XXYLT1: variants seen among roughly 807,000 people sequenced by gnomAD.
The protein encoded by XXYLT1 is UDP-xylose:alpha-xyloside alpha-1,3-xylosyltransferase.
A neutral mutation model predicts 28.9 loss-of-function variants in XXYLT1; 20 were observed. That is an observed-to-expected ratio of 0.69 (90% confidence interval 0.49 to 1.00). The LOEUF (loss-of-function observed/expected upper bound fraction) is 1.00, where lower values mean the gene tolerates loss of function less well. Among genes scored for constraint, XXYLT1 ranks in the 50% least tolerant of loss-of-function variants. The probability of loss-of-function intolerance (pLI) is 0.00; values close to 1 mark genes in which losing one functional copy is unlikely to be tolerated. For missense variants in XXYLT1, 542 were observed against 560.1 expected (o/e 0.97, Z 0.33); for synonymous variants, 257 against 253.8 (o/e 1.01, Z -0.12).
intron 3 of XXYLT1, among the ~76,000 whole-genome samples, chr3:195,143,882 ATATATATTTATTTTTTATT>A (rs1719684646): frequency 8.4e-6 from 1 of 118,912 alleles, no homozygotes; most frequent in African/African-American, 3.6e-5. Context: ...ATATATATAT[ATATATATTTATTTTTTATT>A]TTTATTTTTT....
At chr3:195,149,075 T>C (rs1297287886) in intron 3 of XXYLT1, among the ~76,000 whole-genome samples, 1 of 152,092 alleles carries the variant, frequency 6.6e-6, no homozygotes, top group Non-Finnish European at 1.5e-5. Context: ...AAGGTTTTCA[T>C]AGTAAAAAGA....
intron 1 of XXYLT1, among the ~76,000 whole-genome samples, chr3:195,228,246 CCT>C (rs531393452): frequency 2.3e-3 from 354 of 151,760 alleles, no homozygotes; most frequent in Middle Eastern, 6.8e-3. Context: ...CACGTGAACC[CCT>C]GACTGCCCTG....
chr3:195,223,310 A>T (rs1472175417), intron 2 of XXYLT1, among the ~76,000 whole-genome samples: 1 of 152,174 alleles, frequency 6.6e-6, no homozygotes, highest in African/African-American at 2.4e-5. Flanking sequence ...AGGCGGGAGG[A>T]GAGCTTTAAA....
At chr3:195,213,123 T>C (rs1723401421) in intron 2 of XXYLT1, among the ~76,000 whole-genome samples, 1 of 152,230 alleles carries the variant, frequency 6.6e-6, no homozygotes. Context: ...CATGCTCTAT[T>C]GGCAGGGGAC....
At chr3:195,163,451 C>T (rs903688969) in intron 2 of XXYLT1, among the ~76,000 whole-genome samples, 4 of 152,216 alleles carry the variant, frequency 2.6e-5, no homozygotes, top group African/African-American at 4.8e-5. Flanking sequence ...CTTGGCCCTG[C>T]ACTCTGTCAG....
intron 3 of XXYLT1, among the ~76,000 whole-genome samples, chr3:195,141,192 A>T (rs953050871): frequency 6.6e-6 from 1 of 152,190 alleles, no homozygotes; most frequent in African/African-American, 2.4e-5. Flanking sequence ...CTGAACTAAG[A>T]CACTTGGTAA....
At chr3:195,131,271 A>C (rs1351193721) in intron 3 of XXYLT1, among the ~76,000 whole-genome samples, 1 of 152,138 alleles carries the variant, frequency 6.6e-6, no homozygotes, top group East Asian at 1.9e-4. Flanking sequence ...ATTTCCAAAC[A>C]CACACAGTCT....
chr3:195,236,363 CCT>C (rs2108816230), intron 1 of XXYLT1, among the ~76,000 whole-genome samples: 1 of 152,270 alleles, frequency 6.6e-6, no homozygotes, highest in South Asian at 2.1e-4. Context: ...GGACTCTCTC[CCT>C]GTGTCCAGTA....
At chr3:195,160,100 A>G (rs1450395293) in intron 2 of XXYLT1, among the ~76,000 whole-genome samples, 2 of 143,752 alleles carry the variant, frequency 1.4e-5, no homozygotes, top group African/African-American at 5.4e-5. Flanking sequence ...AAAAATCCAG[A>G]AGAAAAAAAT....
intron 3 of XXYLT1, among the ~76,000 whole-genome samples, chr3:195,111,340 G>A (rs1717701688): frequency 6.6e-6 from 1 of 152,144 alleles, no homozygotes; most frequent in Non-Finnish European, 1.5e-5. Context: ...TTCCAAATAA[G>A]GTCACATTCT....
At chr3:195,201,057 T>TA (rs1453643944) in intron 2 of XXYLT1, among the ~76,000 whole-genome samples, 12 of 152,156 alleles carry the variant, frequency 7.9e-5, no homozygotes, top group East Asian at 3.9e-4. Flanking sequence ...TAACTCAATT[T>TA]AAAAAAAATC....
At chr3:195,140,019 G>A (rs1258003096) in intron 3 of XXYLT1, among the ~76,000 whole-genome samples, 2 of 152,188 alleles carry the variant, frequency 1.3e-5, no homozygotes, top group Admixed American at 1.3e-4. Flanking sequence ...AGGCTCTCTG[G>A]AGTACATGAA....
chr3:195,228,545 A>G (rs1345768169), intron 1 of XXYLT1, among the ~76,000 whole-genome samples: 3 of 137,428 alleles, frequency 2.2e-5, no homozygotes, highest in South Asian at 2.3e-4. Flanking sequence ...AGGCTGGAGT[A>G]CAGGGGTGCA....
intron 1 of XXYLT1, 33 bp from the exon 2 acceptor site, chr3:195,226,889 C>A (rs77035200): frequency 1.2e-6 from 2 of 1,606,744 alleles, no homozygotes; most frequent in South Asian, 2.2e-5. Context: ...CAAGGCTCAG[C>A]AAACCAGTTC....
chr3:195,269,032 GAGA>G (rs1263796422), intron 1 of XXYLT1, among the ~76,000 whole-genome samples: 1 of 152,232 alleles, frequency 6.6e-6, no homozygotes, highest in Non-Finnish European at 1.5e-5. Context: ...TGGAGATGGA[GAGA>G]AGGAGCACCC....
At chr3:195,143,888 ATT>A (rs1444756752) in intron 3 of XXYLT1, among the ~76,000 whole-genome samples, 8 of 116,750 alleles carry the variant, frequency 6.9e-5, no homozygotes, top group South Asian at 3.2e-4. Flanking sequence ...ATATATATAT[ATT>A]TATTTTTTAT....
In XXYLT1 at chr3:195,115,123, G is replaced by A. The variant is rs971678233; in HGVS notation, c.785+41326C>T. 2.0e-5 allele frequency among the ~76,000 whole-genome samples: 3 copies of A among 152,206 alleles called. No individual in the cohort carries two copies. Among genetic ancestry groups the A allele is most frequent in the Admixed American group, 6.5e-5 (1 of 15,276 alleles). ...AACTAAGCTTCCCAGATGCCCAAAC[G>A]GCGAGAGCTCGGGACGTGAATCAGG... On this transcript the variant is annotated intron_variant, in intron 3 of 3. Coordinates refer to ENST00000310380, the MANE Select transcript of XXYLT1 (RefSeq NM_152531.5). The surrounding 1 kb of genome is among the most constrained non-coding windows in gnomAD (Gnocchi z 4.2).
At chr3:195,145,314 G>A (rs901144456) in intron 3 of XXYLT1, among the ~76,000 whole-genome samples, 17 of 151,796 alleles carry the variant, frequency 1.1e-4, no homozygotes, top group Non-Finnish European at 1.5e-4. Context: ...GCATTGATGG[G>A]GCCCTGCGAG....
At chr3:195,182,276 A>C (rs1317870614) in intron 2 of XXYLT1, among the ~76,000 whole-genome samples, 1 of 152,216 alleles carries the variant, frequency 6.6e-6, no homozygotes, top group African/African-American at 2.4e-5. Flanking sequence ...AGCACTTAGA[A>C]TAGTGACTAA....
Sources: allele counts gnomAD v4.1 joint callset (sites outside exome capture counted in the v4.1 genomes callset), GRCh38; gene constraint gnomAD v4.1.1; non-coding constraint Gnocchi (gnomAD v3.1); transcripts MANE v1.5; gene names NCBI Gene and HGNC (gene_info 2026-07-23, HGNC 2026-07-21).